The following GRIA2 variants were observed in gnomAD, a reference collection of about 807,000 sequenced individuals.
The protein encoded by GRIA2 is glutamate ionotropic receptor AMPA type subunit 2, also known as glutamate receptor 2.
Under a neutral mutation model 97.3 loss-of-function variants are expected in GRIA2, and 14 were observed. That is an observed-to-expected ratio of 0.14 (90% confidence interval 0.10 to 0.23). The LOEUF (loss-of-function observed/expected upper bound fraction) is 0.23, where lower values mean the gene tolerates loss of function less well. Among genes scored for constraint, GRIA2 ranks in the 10% least tolerant of loss-of-function variants. The pLI is 1.00. For missense variants in GRIA2, 558 were observed against 1,069.8 expected (o/e 0.52, Z 6.67); for synonymous variants, 412 against 387.8 (o/e 1.06, Z -0.73).
chr4:157,300,871 C>T (rs1185648768), intron 2 of GRIA2, among the ~76,000 whole-genome samples: 2 of 152,094 alleles, frequency 1.3e-5, no homozygotes, highest in African/African-American at 2.4e-5. Flanking sequence ...GGTCCCTTGA[C>T]AACTCACTCC....
intron 2 of GRIA2, among the ~76,000 whole-genome samples, chr4:157,236,943 T>A (rs780811555): frequency 6.6e-6 from 1 of 152,166 alleles, no homozygotes; most frequent in African/African-American, 2.4e-5. Context: ...TTTTAACCTG[T>A]TTATCGCTTT....
chr4:157,276,287 A>G (rs1732308832), intron 2 of GRIA2, among the ~76,000 whole-genome samples: 1 of 152,116 alleles, frequency 6.6e-6, no homozygotes, highest in Non-Finnish European at 1.5e-5. Context: ...ACTTCTAAAT[A>G]ATACATGGGT....
chr4:157,362,464 G>T (rs564222984), intron 14 of GRIA2: 5 of 475,502 alleles, frequency 1.1e-5, no homozygotes, highest in Non-Finnish European at 2.1e-5. Context: ...AAACTGTCTT[G>T]TACCTTCAAT....
chr4:157,262,600 G>A (rs1435099738), intron 2 of GRIA2, among the ~76,000 whole-genome samples: 1 of 151,930 alleles, frequency 6.6e-6, no homozygotes, highest in Non-Finnish European at 1.5e-5. Flanking sequence ...TCTAAGCCTT[G>A]CCCCCAATTT....
intron 11 of GRIA2, among the ~76,000 whole-genome samples, chr4:157,339,246 T>G (rs1735442100): frequency 1.3e-5 from 2 of 151,960 alleles, no homozygotes; most frequent in African/African-American, 4.8e-5. Flanking sequence ...AAAACATATA[T>G]CATTTAAAAA....
chr4:157,304,459 G>C (rs1479922733), intron 3 of GRIA2, among the ~76,000 whole-genome samples: 1 of 152,116 alleles, frequency 6.6e-6, no homozygotes, highest in African/African-American at 2.4e-5. Flanking sequence ...TTGTTGTGAA[G>C]TTTAGTATTA....
intron 2 of GRIA2, among the ~76,000 whole-genome samples, chr4:157,231,845 T>G (rs967036005): frequency 6.6e-6 from 1 of 152,172 alleles, no homozygotes; most frequent in Non-Finnish European, 1.5e-5. Flanking sequence ...AATTAAAATA[T>G]TTTTAGTGTT....
chr4:157,277,089 C>G (rs564925847), intron 2 of GRIA2, among the ~76,000 whole-genome samples: 114 of 151,750 alleles, frequency 7.5e-4, no homozygotes, highest in Non-Finnish European at 1.4e-3. Flanking sequence ...TTATACAAAC[C>G]AGAAAACTAC....
intron 6 of GRIA2, among the ~76,000 whole-genome samples, chr4:157,330,073 G>A (rs1734981487): frequency 6.6e-6 from 1 of 151,938 alleles, no homozygotes; most frequent in Non-Finnish European, 1.5e-5. Flanking sequence ...CCTCAGGCTT[G>A]TCACAAAGAG....
At chr4:157,283,692 TC>T (rs1236460451) in intron 2 of GRIA2, among the ~76,000 whole-genome samples, 1 of 151,970 alleles carries the variant, frequency 6.6e-6, no homozygotes, top group Non-Finnish European at 1.5e-5. Context: ...AATCTAATTT[TC>T]CTTTGTGTTT....
intron 12 of GRIA2, 50 bp from the exon 13 acceptor site, chr4:157,359,845 AT>A (rs1560783515): frequency 5.8e-6 from 9 of 1,550,462 alleles, no homozygotes; most frequent in South Asian, 4.7e-5. Flanking sequence ...TTTGTGAGTA[AT>A]TTTTTAGGGC....
intron 3 of GRIA2, among the ~76,000 whole-genome samples, chr4:157,304,351 T>C (rs1274519855): frequency 6.6e-6 from 1 of 152,122 alleles, no homozygotes; most frequent in Non-Finnish European, 1.5e-5. Flanking sequence ...TTCCACATAA[T>C]TGTTTATAAT....
intron 2 of GRIA2, among the ~76,000 whole-genome samples, chr4:157,255,264 TACAC>T (rs139422148): frequency 2.0e-5 from 3 of 151,310 alleles, no homozygotes; most frequent in Admixed American, 2.0e-4. Flanking sequence ...TATGGCTGAA[TACAC>T]ACACACACAC....
intron 2 of GRIA2, among the ~76,000 whole-genome samples, chr4:157,283,654 T>C (rs1044506290): frequency 6.6e-6 from 1 of 151,972 alleles, no homozygotes; most frequent in Admixed American, 6.6e-5. Context: ...TAATTCTATT[T>C]ATCATATTTT....
chr4:157,256,139 A>G (rs1406661450), intron 2 of GRIA2, among the ~76,000 whole-genome samples: 2 of 105,102 alleles, frequency 1.9e-5, no homozygotes, highest in Non-Finnish European at 4.3e-5. Flanking sequence ...TTTACATCAA[A>G]TTGTAATATT....
intron 2 of GRIA2, among the ~76,000 whole-genome samples, chr4:157,287,436 A>G (rs760798222): frequency 6.6e-6 from 1 of 151,548 alleles, no homozygotes; most frequent in Non-Finnish European, 1.5e-5. Context: ...CTTTCTAAAA[A>G]AGTTTTGAGC....
intron 2 of GRIA2, among the ~76,000 whole-genome samples, chr4:157,284,966 GT>G (rs1560747084): frequency 6.6e-6 from 1 of 151,672 alleles, no homozygotes; most frequent in African/African-American, 2.4e-5. Flanking sequence ...ATTATTGCTG[GT>G]GTGTACTTCT....
chr4:157,277,872 G>GTA (rs796560922), intron 2 of GRIA2, among the ~76,000 whole-genome samples: 1 of 143,164 alleles, frequency 7.0e-6, no homozygotes, highest in African/African-American at 2.6e-5. Flanking sequence ...ATGTATATAT[G>GTA]TATATATATG....
At chr4:157,286,567 T>C (rs1253826288) in intron 2 of GRIA2, among the ~76,000 whole-genome samples, 1 of 151,550 alleles carries the variant, frequency 6.6e-6, no homozygotes, top group Non-Finnish European at 1.5e-5. Context: ...TTTCTATCCA[T>C]GAAAATAGTA....
Sources: allele counts gnomAD v4.1 joint callset (sites outside exome capture counted in the v4.1 genomes callset), GRCh38; gene constraint gnomAD v4.1.1; transcripts MANE v1.5; gene names NCBI Gene and HGNC (gene_info 2026-07-23, HGNC 2026-07-21).